Variants in ATXN1 observed in about 807,000 individuals in gnomAD.
ATXN1 encodes the protein ataxin-1.
ATXN1 carries 8 observed loss-of-function variants against 56.4 expected under a neutral mutation model. The observed-to-expected ratio is 0.14, with a 90% CI of 0.08 to 0.26. The LOEUF (loss-of-function observed/expected upper bound fraction) is 0.26. ATXN1 is among the 10% of genes least tolerant of loss of function. ATXN1 has a pLI of 1.00. For synonymous variants in ATXN1, 514 were observed against 494.6 expected, an observed-to-expected ratio of 1.04 and a Z score of -0.52; for missense variants, 987 against 1,106.5, an observed-to-expected ratio of 0.89 and a Z score of 1.53.
At chr6:16,465,914 G>A (rs1333399888) in intron 6 of ATXN1, among the ~76,000 whole-genome samples, 2 of 152,070 alleles carry the variant, frequency 1.3e-5, no homozygotes, top group Admixed American at 6.6e-5. Context: ...TTGCTTTGAG[G>A]GAAAGTAAAC....
intron 2 of ATXN1, among the ~76,000 whole-genome samples, chr6:16,746,013 TC>T (rs1374814721): frequency 6.6e-6 from 1 of 151,446 alleles, no homozygotes; most frequent in African/African-American, 2.4e-5. Flanking sequence ...ATAAGCAACA[TC>T]TAGAGAGTGA....
intron 3 of ATXN1, chr6:16,651,907 T>G (rs1763901203): frequency 6.6e-6 from 1 of 152,234 alleles, no homozygotes; most frequent in African/African-American, 2.4e-5. Context: ...CGTGTGCCAG[T>G]TTAATTCTGA....
chr6:16,446,070 C>G (rs1270171649), intron 6 of ATXN1, among the ~76,000 whole-genome samples: 2 of 151,550 alleles, frequency 1.3e-5, no homozygotes, highest in Non-Finnish European at 2.9e-5. Flanking sequence ...AATGGTATTT[C>G]TAGTTCTAGA....
At chr6:16,383,278 T>C (rs2113509441) in intron 6 of ATXN1, among the ~76,000 whole-genome samples, 1 of 152,364 alleles carries the variant, frequency 6.6e-6, no homozygotes, top group African/African-American at 2.4e-5. Context: ...GAACATTTTA[T>C]ATTAATGTAA....
chr6:16,533,435 T>A (rs1384440685), intron 4 of ATXN1, among the ~76,000 whole-genome samples: 1 of 152,204 alleles, frequency 6.6e-6, no homozygotes, highest in Non-Finnish European at 1.5e-5. Flanking sequence ...TAAAAAAGAA[T>A]GTGAGAGCTC....
At position 16,410,322 on chromosome 6, in the gene ATXN1, T is replaced by C. The variant is rs1758771029; in HGVS notation, c.-161+75650A>G. The stretch of plus-strand genomic sequence containing the variant: ...TGTAAGACCCACTATCATAAGCCAA[T>C]TAGAGAACCAAACAAGTGCTGAAGG... On this transcript the variant is annotated intron_variant, in intron 6 of 7. Transcript: ENST00000436367. The surrounding 1 kb of genome is among the most constrained non-coding windows in gnomAD (Gnocchi z 4.6). Among the ~76,000 whole-genome samples the C allele has an allele frequency of 6.6e-6, 1 of 152,166 alleles. No homozygotes were observed. The highest frequency in any genetic ancestry group is 2.4e-5 in the African/African-American group (1 of 41,446).
chr6:16,306,464 C>T lies in ATXN1; in HGVS notation c.2313G>A (p.Lys771=). 2 of 1,614,232 alleles carry T rather than the reference C, an allele frequency of 1.2e-6. No homozygotes were observed. Among genetic ancestry groups the T allele is most frequent in the Non-Finnish European group, 1.7e-6 (2 of 1,180,044 alleles). ...IEPSKPAATR[K]RRWSAPESRK... ...GGCTCTCTGGCGCCGACCACCTCCT[C>T]TTCCTCGTTGCCGCGGGCTTGCTGG... The change falls in exon 8 of 8, where the codon AAG becomes AAA. Residue 771 remains lysine (K), a synonymous_variant. Transcript: ENST00000436367. This position sits in a 1 kb window ranked among gnomAD's most constrained non-coding sequence, Gnocchi z 5.2.
chr6:16,407,612 G>A (rs77237180), intron 6 of ATXN1, among the ~76,000 whole-genome samples: 1,758 of 152,318 alleles, frequency 0.012, 37 homozygotes, highest in African/African-American at 0.039. Context: ...GAAATGCAGA[G>A]AGGAGACTAA....
chr6:16,584,641 C>G (rs374140125), intron 4 of ATXN1, among the ~76,000 whole-genome samples: 7 of 148,956 alleles, frequency 4.7e-5, no homozygotes, highest in Non-Finnish European at 7.4e-5. Context: ...TGACCCCCCC[C>G]ACCCCCAAAA....
At chr6:16,739,472 G>A in intron 2 of ATXN1, 1 of 233,326 alleles carries the variant, frequency 4.3e-6, no homozygotes, top group East Asian at 8.7e-5. Context: ...GGTCATCCCA[G>A]GACTATGCCT....
chr6:16,401,831 G>A (rs922034224), intron 6 of ATXN1, among the ~76,000 whole-genome samples: 4 of 152,130 alleles, frequency 2.6e-5, no homozygotes, highest in Admixed American at 1.3e-4. Flanking sequence ...ACCACCAGTC[G>A]TATTAGTCCA....
intron 5 of ATXN1, among the ~76,000 whole-genome samples, chr6:16,510,143 T>C (rs2113683054): frequency 6.6e-6 from 1 of 152,334 alleles, no homozygotes; most frequent in Non-Finnish European, 1.5e-5. Context: ...CTTCTCCTAG[T>C]TCCTTTTCAG....
intron 4 of ATXN1, among the ~76,000 whole-genome samples, chr6:16,571,119 G>T (rs935509703): frequency 6.6e-6 from 1 of 152,090 alleles, no homozygotes; most frequent in Non-Finnish European, 1.5e-5. Flanking sequence ...AATGGTTCCC[G>T]AGTTCAGCAT....
intron 2 of ATXN1, among the ~76,000 whole-genome samples, chr6:16,706,677 T>C (rs961820155): frequency 8.7e-5 from 13 of 149,824 alleles, no homozygotes; most frequent in South Asian, 2.1e-4. Context: ...GGAGCCGAGA[T>C]TGCACCATTG....
intron 6 of ATXN1, among the ~76,000 whole-genome samples, chr6:16,479,242 TAA>T (rs1324811212): frequency 6.6e-6 from 1 of 152,238 alleles, no homozygotes; most frequent in African/African-American, 2.4e-5. Context: ...TTAATTTCTC[TAA>T]CATAGGTTTG....
At chr6:16,690,303 A>G (rs1182243159) in intron 2 of ATXN1, among the ~76,000 whole-genome samples, 1 of 151,848 alleles carries the variant, frequency 6.6e-6, no homozygotes, top group Non-Finnish European at 1.5e-5. Flanking sequence ...CAGAATCTTC[A>G]GCTCTCCACT....
chr6:16,680,524 GGAA>G (rs1758792132), intron 2 of ATXN1, among the ~76,000 whole-genome samples: 2 of 152,096 alleles, frequency 1.3e-5, no homozygotes, highest in Admixed American at 6.6e-5. Flanking sequence ...ACCCTTCAAG[GGAA>G]GAAGGACCCA....
At chr6:16,528,671 T>C (rs1215356442) in intron 4 of ATXN1, among the ~76,000 whole-genome samples, 1 of 152,202 alleles carries the variant, frequency 6.6e-6, no homozygotes, top group African/African-American at 2.4e-5. Context: ...TCTATTATCT[T>C]TAATCCTGAC....
intron 1 of ATXN1, chr6:16,753,942 A>G (rs1760804118): frequency 6.6e-6 from 1 of 152,368 alleles, no homozygotes; most frequent in South Asian, 2.1e-4. Context: ...TTTTGCCACA[A>G]TTCCTTGCAC....
Sources: allele counts gnomAD v4.1 joint callset (sites outside exome capture counted in the v4.1 genomes callset), GRCh38; gene constraint gnomAD v4.1.1; non-coding constraint Gnocchi (gnomAD v3.1); transcripts MANE v1.5; gene names NCBI Gene and HGNC (gene_info 2026-07-23, HGNC 2026-07-21).